MAMDC2: variants seen among roughly 807,000 people sequenced by gnomAD.
The protein encoded by MAMDC2 is MAM domain-containing protein 2.
Under a neutral mutation model 89.8 loss-of-function variants are expected in MAMDC2, and 57 were observed. The observed-to-expected ratio is 0.63, with a 90% confidence interval of 0.51 to 0.79. The LOEUF (loss-of-function observed/expected upper bound fraction) is 0.79, where lower values mean the gene tolerates loss of function less well. MAMDC2 is among the 30% of genes least tolerant of loss of function. The pLI, the probability that MAMDC2 is intolerant of heterozygous loss-of-function variation, is 0.00. For synonymous variants in MAMDC2, 313 were observed against 293.4 expected, an observed-to-expected ratio of 1.07 and a Z score of -0.68; for missense variants, 800 against 820.6, an observed-to-expected ratio of 0.97 and a Z score of 0.31.
chr9:70,168,919 C>T, intron 10 of MAMDC2, 124 bp downstream of exon 10: 1 of 761,148 alleles, frequency 1.3e-6, no homozygotes, highest in Non-Finnish European at 2.2e-6. Context: ...CAAAGTGTCT[C>T]CTGCAGAGCT....
chr9:70,196,457 C>A (rs771256007), intron 11 of MAMDC2, among the ~76,000 whole-genome samples: 1 of 152,008 alleles, frequency 6.6e-6, no homozygotes, highest in Non-Finnish European at 1.5e-5. Context: ...CAAAATGTTG[C>A]AACAGAAAGC....
At chr9:70,212,925 A>C (rs73647445) in intron 11 of MAMDC2, among the ~76,000 whole-genome samples, 283 of 152,266 alleles carry the variant, frequency 1.9e-3, no homozygotes, top group African/African-American at 6.6e-3. Context: ...TGGTTAGAGG[A>C]GGCTGTGCAG....
At chr9:70,065,346 C>T (rs974081851) in intron 2 of MAMDC2, among the ~76,000 whole-genome samples, 2 of 152,152 alleles carry the variant, frequency 1.3e-5, no homozygotes, top group Admixed American at 1.3e-4. Flanking sequence ...TTAAGAATCC[C>T]TCTTTCTGTC....
At chr9:70,081,152 T>G (rs1407271180) in intron 2 of MAMDC2, among the ~76,000 whole-genome samples, 2 of 152,070 alleles carry the variant, frequency 1.3e-5, no homozygotes, top group African/African-American at 4.8e-5. Context: ...GAGAGCTTGA[T>G]GGGACAGGGA....
chr9:70,133,476 C>T lies in MAMDC2; in HGVS notation c.994+1864C>T, dbSNP rs116913816. Among the ~76,000 whole-genome samples the T allele has an allele frequency of 4.1e-3, 632 of 152,316 alleles. 4 individuals are homozygous for T. The highest frequency in any genetic ancestry group is 7.5e-3 in the Admixed American group (114 of 15,300). ...CAGACTCCTTCTGTGCAGGAACTTC[C>T]GCAGATATGAGTTCTTATACAGTTC... On this transcript the variant is annotated intron_variant, in intron 7 of 13. Coordinates refer to ENST00000377182, the MANE Select transcript of MAMDC2 (RefSeq NM_153267.5).
At chr9:70,166,308 T>C (rs201460492) in intron 9 of MAMDC2, among the ~76,000 whole-genome samples, 9,867 of 132,654 alleles carry the variant, frequency 0.074, 491 homozygotes, top group East Asian at 0.22. Context: ...CACACACATA[T>C]ATATATATAC....
chr9:70,145,632 A>AG (rs1476873715), intron 9 of MAMDC2, among the ~76,000 whole-genome samples: 2 of 152,124 alleles, frequency 1.3e-5, no homozygotes, highest in African/African-American at 4.8e-5. Flanking sequence ...GGGGTGCACT[A>AG]GAAAGTAATG....
At chr9:70,117,105 C>T (rs1183269701) in intron 5 of MAMDC2, among the ~76,000 whole-genome samples, 1 of 152,210 alleles carries the variant, frequency 6.6e-6, no homozygotes, top group Admixed American at 6.5e-5. Context: ...TAAGTCCAGT[C>T]AGAGCCTCAA....
chr9:70,074,138 C>G (rs1402457655), intron 2 of MAMDC2, among the ~76,000 whole-genome samples: 1 of 152,342 alleles, frequency 6.6e-6, no homozygotes, highest in East Asian at 1.9e-4. Context: ...CAGGCTCCTT[C>G]TAACTCATGC....
At chr9:70,214,229 G>A (rs2033405988) in intron 11 of MAMDC2, among the ~76,000 whole-genome samples, 1 of 152,178 alleles carries the variant, frequency 6.6e-6, no homozygotes, top group Non-Finnish European at 1.5e-5. Context: ...CCAGGGAAGA[G>A]GGACTGCAAT....
intron 6 of MAMDC2, among the ~76,000 whole-genome samples, chr9:70,128,943 C>T (rs1285701199): frequency 1.3e-5 from 2 of 152,246 alleles, no homozygotes; most frequent in East Asian, 1.9e-4. Flanking sequence ...AGGCATGAAC[C>T]ACTGCGGCCA....
At chr9:70,163,952 C>CAAAAAAA (rs34029718) in intron 9 of MAMDC2, among the ~76,000 whole-genome samples, 1 of 70,076 alleles carries the variant, frequency 1.4e-5, no homozygotes, top group Non-Finnish European at 2.7e-5. Context: ...GACTCTGTCT[C>CAAAAAAA]AAAAAAAAAA....
At chr9:70,185,620 C>T (rs775877412) in intron 11 of MAMDC2, among the ~76,000 whole-genome samples, 4 of 152,136 alleles carry the variant, frequency 2.6e-5, no homozygotes, top group Admixed American at 6.5e-5. Flanking sequence ...TGGCCACAAC[C>T]GCTTTGCCAC....
Position 70,112,974 on chromosome 9 carries a change from GTTTT to G in MAMDC2, c.506-19_506-16del. The G allele has an allele frequency of 6.2e-7, 1 of 1,613,972 alleles. No individual in the cohort carries two copies. Among genetic ancestry groups the G allele is most frequent in the Non-Finnish European group, 8.5e-7 (1 of 1,179,900 alleles). ...AGGTGTGACTGTGTCTCCATGAAGT[GTTTT>G]TGTTTCCCTTCCCCAGAATGTGACT... On this transcript the variant is annotated splice_polypyrimidine_tract_variant and intron_variant, in intron 4 of 13. Coordinates refer to ENST00000377182, the MANE Select transcript of MAMDC2 (RefSeq NM_153267.5).
At chr9:70,167,562 G>A (rs1014519783) in intron 9 of MAMDC2, among the ~76,000 whole-genome samples, 2 of 152,134 alleles carry the variant, frequency 1.3e-5, no homozygotes, top group Non-Finnish European at 1.5e-5. Flanking sequence ...AATGAACATG[G>A]ACTAAATGAG....
At chr9:70,155,336 G>A (rs1187651280) in intron 9 of MAMDC2, among the ~76,000 whole-genome samples, 4 of 152,024 alleles carry the variant, frequency 2.6e-5, no homozygotes, top group Non-Finnish European at 5.9e-5. Flanking sequence ...AAGGATAAAG[G>A]CATCCAACAC....
intron 2 of MAMDC2, among the ~76,000 whole-genome samples, chr9:70,073,600 A>C (rs1041819749): frequency 2.6e-5 from 4 of 152,234 alleles, no homozygotes; most frequent in African/African-American, 9.6e-5. Flanking sequence ...ACCATTCTGC[A>C]GTGATTCATA....
chr9:70,145,276 G>T (rs1419038935), intron 9 of MAMDC2, among the ~76,000 whole-genome samples: 5 of 152,220 alleles, frequency 3.3e-5, no homozygotes, highest in Non-Finnish European at 2.9e-5. Context: ...GAGAGAGGAA[G>T]CAAACAGGTG....
At chr9:70,210,644 A>G (rs1327745543) in intron 11 of MAMDC2, among the ~76,000 whole-genome samples, 1 of 152,112 alleles carries the variant, frequency 6.6e-6, no homozygotes, top group Non-Finnish European at 1.5e-5. Flanking sequence ...TTTAAGGTTA[A>G]TATTGTTATG....
Sources: allele counts gnomAD v4.1 joint callset (sites outside exome capture counted in the v4.1 genomes callset), GRCh38; gene constraint gnomAD v4.1.1; transcripts MANE v1.5; gene names NCBI Gene and HGNC (gene_info 2026-07-23, HGNC 2026-07-21).